COL26A1: variants seen among roughly 807,000 people sequenced by gnomAD.
The protein encoded by COL26A1 is collagen alpha-1(XXVI) chain.
In COL26A1, 41 loss-of-function variants were observed where a neutral mutation model predicts 59.3. The ratio of observed to expected loss-of-function variants is 0.69; its 90% CI spans 0.54 to 0.90. COL26A1 has a LOEUF of 0.90. COL26A1 is among the 40% of genes least tolerant of loss of function. The pLI, the probability that COL26A1 is intolerant of heterozygous loss-of-function variation, is 0.00. For synonymous variants in COL26A1, 266 were observed against 256.0 expected, an observed-to-expected ratio of 1.04 and a Z score of -0.37; for missense variants, 612 against 602.3, an observed-to-expected ratio of 1.02 and a Z score of -0.17.
At chr7:101,438,132 C>T (rs1051190282) in intron 2 of COL26A1, among the ~76,000 whole-genome samples, 12 of 151,386 alleles carry the variant, frequency 7.9e-5, no homozygotes, top group African/African-American at 2.7e-4. Flanking sequence ...GAAGCCGAGG[C>T]GGGCGGATCA....
chr7:101,463,899 TTCTTTTTCTTTCTC>T (rs1461566897), intron 3 of COL26A1, among the ~76,000 whole-genome samples: 40 of 60,448 alleles, frequency 6.6e-4, no homozygotes, highest in Non-Finnish European at 1.3e-3. Flanking sequence ...CTTTCTTTCT[TTCTTTTTCTTTCTC>T]TCTTTCTTTC....
intron 1 of COL26A1, among the ~76,000 whole-genome samples, chr7:101,415,279 A>G (rs1792347281): frequency 6.6e-6 from 1 of 150,804 alleles, no homozygotes; most frequent in African/African-American, 2.4e-5. Flanking sequence ...CAGCCTCCCC[A>G]GTAGCTGGGA....
chr7:101,494,180 G>A (rs1341827470), intron 3 of COL26A1, among the ~76,000 whole-genome samples: 1 of 137,258 alleles, frequency 7.3e-6, no homozygotes, highest in African/African-American at 2.7e-5. Flanking sequence ...TGCCCAGGCT[G>A]GAGTGCAGTG....
chr7:101,542,939 G>A (rs1316545418), intron 5 of COL26A1, among the ~76,000 whole-genome samples: 2 of 152,216 alleles, frequency 1.3e-5, no homozygotes, highest in Admixed American at 6.5e-5. Flanking sequence ...GAAAGCGCAT[G>A]CCTGGCAAGA....
At position 101,499,682 on chromosome 7, in the gene COL26A1, T is replaced by C. The variant is rs1014125472; in HGVS notation, c.386-33400T>C. ...CTGAGTGACAGAGGGAAACTCTGTC[T>C]CAAAAATAATAATAAAAATAATATT... On this transcript the variant is annotated intron_variant, in intron 3 of 12. Transcript: ENST00000313669. 3.3e-5 allele frequency among the ~76,000 whole-genome samples: 5 copies of C among 151,590 alleles called. No homozygotes were observed. The East Asian group carries it at 7.7e-4, about 23-fold the overall frequency.
At chr7:101,455,768 C>T (rs965798352) in intron 3 of COL26A1, among the ~76,000 whole-genome samples, 6 of 152,042 alleles carry the variant, frequency 3.9e-5, no homozygotes, top group African/African-American at 7.2e-5. Flanking sequence ...CTGCAACCTC[C>T]GCCTCCTGGG....
intron 3 of COL26A1, among the ~76,000 whole-genome samples, chr7:101,472,466 C>A (rs533854435): frequency 6.6e-6 from 1 of 152,272 alleles, no homozygotes; most frequent in East Asian, 1.9e-4. Flanking sequence ...ATGTAACCTA[C>A]CAGGTTTGGC....
intron 8 of COL26A1, among the ~76,000 whole-genome samples, chr7:101,547,635 A>G (rs1315568465): frequency 6.6e-6 from 1 of 152,248 alleles, no homozygotes; most frequent in African/African-American, 2.4e-5. Flanking sequence ...ACCTTCCATC[A>G]TCCACATTCC....
At chr7:101,552,187 A>G (rs558362941) in intron 10 of COL26A1, among the ~76,000 whole-genome samples, 1 of 152,328 alleles carries the variant, frequency 6.6e-6, no homozygotes, top group East Asian at 1.9e-4. Context: ...CTATTGATTA[A>G]CTTAATCCTC....
intron 1 of COL26A1, among the ~76,000 whole-genome samples, chr7:101,417,791 G>A (rs896955475): frequency 2.0e-5 from 3 of 151,162 alleles, no homozygotes; most frequent in African/African-American, 4.9e-5. Flanking sequence ...GTGCGATCTC[G>A]GCTCACTGCA....
intron 3 of COL26A1, among the ~76,000 whole-genome samples, chr7:101,510,027 C>CTGTTTTTTTTTTTTTTTTTTTTTTTTTT (rs1794890186): frequency 8.2e-6 from 1 of 122,300 alleles, no homozygotes; most frequent in African/African-American, 4.1e-5. Context: ...CGCGCCCAGT[C>CTGTTTTTTTTTTTTTTTTTTTTTTTTTT]TTTTTTTTTT....
chr7:101,555,282 C>G (rs1479104523), intron 11 of COL26A1, among the ~76,000 whole-genome samples: 1 of 152,202 alleles, frequency 6.6e-6, no homozygotes, highest in Non-Finnish European at 1.5e-5. Flanking sequence ...GTGGCTTTCT[C>G]TGCTGTCTTT....
At chr7:101,426,919 GC>G (rs956250491) in intron 2 of COL26A1, among the ~76,000 whole-genome samples, 52 of 152,260 alleles carry the variant, frequency 3.4e-4, no homozygotes, top group African/African-American at 1.3e-3. Context: ...CCCCAGCTGG[GC>G]CCTGTGTAGC....
At chr7:101,549,653 A>G (rs1412813220) in intron 9 of COL26A1, among the ~76,000 whole-genome samples, 1 of 152,192 alleles carries the variant, frequency 6.6e-6, no homozygotes, top group Non-Finnish European at 1.5e-5. Flanking sequence ...AAGTGCTGGG[A>G]TTACAGGTGT....
intron 1 of COL26A1, among the ~76,000 whole-genome samples, chr7:101,405,261 TATAATC>T (rs373513274): frequency 1.3e-5 from 2 of 151,348 alleles, no homozygotes; most frequent in African/African-American, 4.9e-5. Flanking sequence ...ATAATGAAAA[TATAATC>T]ATAATCCTGA....
chr7:101,373,627 G>A (rs1230792093), intron 1 of COL26A1, among the ~76,000 whole-genome samples: 1 of 152,110 alleles, frequency 6.6e-6, no homozygotes, highest in Non-Finnish European at 1.5e-5. Flanking sequence ...CCTGGAGCGA[G>A]GTCCCTTTCT....
At position 101,557,809 on chromosome 7, in the gene COL26A1, C is replaced by T. The variant is rs1177695223; in HGVS notation, c.*279C>T. The T allele has an allele frequency of 2.7e-6, 1 of 364,166 alleles. No homozygotes were observed. Among genetic ancestry groups the T allele is most frequent in the Non-Finnish European group, 5.0e-6 (1 of 201,898 alleles). The allele number at this position is 364,166 out of a possible 1,614,324, so 22.6% of individuals were successfully genotyped here. ...GCTGGGTGCTGGGAATGAGAATAAT[C>T]CTAATACCCATCATTTATTGAGTCC... On this transcript the variant is annotated 3_prime_UTR_variant, in exon 13 of 13. Coordinates refer to ENST00000313669, the MANE Select transcript of COL26A1 (RefSeq NM_001278563.3).
At chr7:101,450,091 T>C (rs992228621) in intron 3 of COL26A1, among the ~76,000 whole-genome samples, 3 of 142,496 alleles carry the variant, frequency 2.1e-5, no homozygotes, top group Non-Finnish European at 4.5e-5. Flanking sequence ...GCCTCTGTAC[T>C]CCAGCCTGGA....
intron 3 of COL26A1, among the ~76,000 whole-genome samples, chr7:101,503,587 G>T (rs537506554): frequency 1.3e-5 from 2 of 152,310 alleles, no homozygotes; most frequent in African/African-American, 4.8e-5. Context: ...TTGCTATGTT[G>T]TCCAGGCTAG....
Sources: allele counts gnomAD v4.1 joint callset (sites outside exome capture counted in the v4.1 genomes callset), GRCh38; gene constraint gnomAD v4.1.1; transcripts MANE v1.5; gene names NCBI Gene and HGNC (gene_info 2026-07-23, HGNC 2026-07-21).